The following DET1 variants were observed in gnomAD, a reference collection of about 807,000 sequenced individuals.
The protein encoded by DET1 is DET1 partner of COP1 E3 ubiquitin ligase.
Under a neutral mutation model 43.7 loss-of-function variants are expected in DET1, and 22 were observed. The ratio of observed to expected loss-of-function variants is 0.50; its 90% CI spans 0.36 to 0.72. DET1 has a LOEUF of 0.72. Among genes scored for constraint, DET1 ranks in the 30% least tolerant of loss-of-function variants. The pLI is 0.00. For synonymous variants in DET1, 315 were observed against 266.2 expected (o/e 1.18, Z -1.79); for missense variants, 713 against 713.3 (o/e 1.00, Z 0.00).
At chr15:88,507,407 C>G (rs1320060800) in intron 7 of DET1, among the ~76,000 whole-genome samples, 1 of 152,200 alleles carries the variant, frequency 6.6e-6, no homozygotes, top group Non-Finnish European at 1.5e-5. Context: ...GCTTCAATAT[C>G]TATCCATTTA....
At chr15:88,529,736 C>A (rs1331070178) in intron 2 of DET1, among the ~76,000 whole-genome samples, 1 of 152,170 alleles carries the variant, frequency 6.6e-6, no homozygotes, top group African/African-American at 2.4e-5. Flanking sequence ...TCTAAGGAGA[C>A]AATCTGCAAA....
intron 1 of DET1, among the ~76,000 whole-genome samples, chr15:88,542,273 T>C (rs1598352473): frequency 6.6e-6 from 1 of 152,228 alleles, no homozygotes. Flanking sequence ...GAGGAGGTCA[T>C]TCCCTCCACC....
intron 3 of DET1, among the ~76,000 whole-genome samples, chr15:88,523,075 C>T (rs988113628): frequency 9.2e-5 from 14 of 151,656 alleles, no homozygotes; most frequent in African/African-American, 3.4e-4. Flanking sequence ...GGAGACCAGC[C>T]ATGTTACCCA....
chr15:88,541,913 C>T lies in DET1; in HGVS notation c.-11+4627G>A, dbSNP rs560036120. 2.0e-5 allele frequency among the ~76,000 whole-genome samples: 3 copies of T among 152,316 alleles called. No homozygotes were observed. In the South Asian group the frequency reaches 6.2e-4, roughly 32 times the overall value. On this transcript the variant is annotated intron_variant, in intron 1 of 4. Transcript: ENST00000268148. Reference sequence around the variant, plus strand: ...CCCCTGTGGGCTCACCGCCCAATTGCCTCCCGGCTGTGACCGCGCTGGGAG... The same window carrying T: ...CCCCTGTGGGCTCACCGCCCAATTGTCTCCCGGCTGTGACCGCGCTGGGAG...
Position 88,531,571 on chromosome 15 carries a change from A to C in DET1, c.135T>G (p.Asn45Lys). 1 of 1,614,014 alleles carries C rather than the reference A, an allele frequency of 6.2e-7. No individual in the cohort carries two copies. Among genetic ancestry groups the C allele is most frequent in the Non-Finnish European group, 8.5e-7 (1 of 1,179,894 alleles). Residue 45 changes from asparagine (N) to lysine (K), a missense_variant, in exon 2 of 5, where the codon AAT (asparagine) becomes AAG (lysine). Transcript: ENST00000268148. This position sits in a 1 kb window ranked among gnomAD's most constrained non-coding sequence, Gnocchi z 6.2. ...TGACAACTGTGAAGTTGGGGAAGAC[A>C]TTCTGATGGAACACTCGGACTTGGT... ...HWHQVRVFHQ[N>K]VFPNFTVVNV... is the part of the protein sequence containing the mutation.
At chr15:88,537,942 G>C (rs1306830317) in intron 1 of DET1, among the ~76,000 whole-genome samples, 1 of 152,196 alleles carries the variant, frequency 6.6e-6, no homozygotes, top group Non-Finnish European at 1.5e-5. Flanking sequence ...ACTGCAAGTT[G>C]TATTTACACT....
At chr15:88,532,642 T>C (rs1285070028) in intron 1 of DET1, among the ~76,000 whole-genome samples, 1 of 152,196 alleles carries the variant, frequency 6.6e-6, no homozygotes. Flanking sequence ...AACTCTGGCA[T>C]ATATGGTTAA....
At position 88,513,089 on chromosome 15, in the gene DET1, T is replaced by C; in HGVS notation, c.1515A>G (p.Leu505=). 6.2e-7 allele frequency: 1 copy of C among 1,613,930 alleles called. No homozygotes were observed. Among genetic ancestry groups the C allele is most frequent in the Non-Finnish European group, 8.5e-7 (1 of 1,179,842 alleles). ...GLLKFEIQAG[L]LGRPINHTVR... is the part of the protein sequence containing the mutation. ...CTGTGTGGTTGATGGGGCGGCCCAA[T>C]AACCCCGCCTGGATCTCAAACTTGA... is the stretch of plus-strand genomic sequence containing the variant. The change falls in exon 5 of 5, where the codon TTA becomes TTG. Residue 505 remains leucine, a synonymous_variant. Transcript: ENST00000268148.
Position 88,524,608 on chromosome 15 carries a change from G to C in DET1, c.1271+2991C>G, listed in dbSNP as rs189934159. 2.0e-5 allele frequency among the ~76,000 whole-genome samples: 3 copies of C among 152,376 alleles called. No individual in the cohort carries two copies. In the East Asian group the frequency reaches 5.8e-4, roughly 29 times the overall value. ...GACATGGGAGACTCCATTTTGTTCT[G>C]TACTAAGAAAAATTCTTATCCTGTT... On this transcript the variant is annotated intron_variant, in intron 3 of 4. Coordinates refer to ENST00000268148, the MANE Select transcript of DET1 (RefSeq NM_001144074.3).
chr15:88,537,743 G>A (rs10152901), intron 1 of DET1, among the ~76,000 whole-genome samples: 6 of 152,002 alleles, frequency 3.9e-5, no homozygotes, highest in African/African-American at 1.2e-4. Flanking sequence ...CCTGTCTAAC[G>A]GGAAGTTCTG....
intron 3 of DET1, among the ~76,000 whole-genome samples, chr15:88,523,898 C>T (rs1000186343): frequency 9.9e-5 from 15 of 151,742 alleles, no homozygotes; most frequent in African/African-American, 3.4e-4. Context: ...GCCTGGCCGC[C>T]CATCGTCTGG....
chr15:88,537,620 G>A (rs183644683), intron 1 of DET1, among the ~76,000 whole-genome samples: 2 of 152,308 alleles, frequency 1.3e-5, no homozygotes, highest in East Asian at 3.9e-4. Flanking sequence ...TCTTACTTAT[G>A]TTTATGGCCC....
At chr15:88,507,888 C>T (rs574779111), downstream of DET1, among the ~76,000 whole-genome samples, 11 of 152,318 alleles carry the variant, frequency 7.2e-5, no homozygotes, top group Admixed American at 4.6e-4. Flanking sequence ...GGAACCAGGC[C>T]GCACAGCAGG....
At chr15:88,540,053 C>A (rs749506411) in intron 1 of DET1, among the ~76,000 whole-genome samples, 1 of 152,064 alleles carries the variant, frequency 6.6e-6, no homozygotes, top group Non-Finnish European at 1.5e-5. Context: ...TCCCTTTCCC[C>A]CTCGTCCCTG....
At chr15:88,539,448 TAAAA>T (rs34945813) in intron 1 of DET1, among the ~76,000 whole-genome samples, 10 of 96,476 alleles carry the variant, frequency 1.0e-4, no homozygotes, top group African/African-American at 2.2e-4. Context: ...CTTGTCTGTC[TAAAA>T]AAAAAAAAAA....
intron 1 of DET1, among the ~76,000 whole-genome samples, chr15:88,532,167 G>A (rs11856255): frequency 0.22 from 33,894 of 151,994 alleles, 4,858 homozygotes; most frequent in African/African-American, 0.4. Context: ...GCTAGGCATG[G>A]TGGCACATGA....
chr15:88,515,538 TATA>T lies in DET1; in HGVS notation c.1463+1241_1463+1243del, dbSNP rs1567058312. On this transcript the variant is annotated intron_variant, in intron 4 of 4. Coordinates refer to ENST00000268148, the MANE Select transcript of DET1 (RefSeq NM_001144074.3). Reference sequence around the variant, plus strand: ...TGGGCAACAGACAGAGACTCCGTCTTATAAAAAAAAAAAAAAAAAAAAAAAAAA... The same window carrying T: ...TGGGCAACAGACAGAGACTCCGTCTTAAAAAAAAAAAAAAAAAAAAAAAAA... Among the ~76,000 whole-genome samples, 4 of 47,464 alleles carry T rather than the reference TATA, an allele frequency of 8.4e-5. 1 individual carries two copies. Among genetic ancestry groups the T allele is most frequent in the Non-Finnish European group, 1.4e-4 (4 of 29,192 alleles). The allele number at this position is 47,464 out of a possible 152,430, so 31.1% of individuals were successfully genotyped here. A position where few individuals can be genotyped will look rare whatever the true frequency, so the allele number is the denominator to read the frequency against.
intron 4 of DET1, among the ~76,000 whole-genome samples, chr15:88,515,067 C>A (rs1288135120): frequency 2.6e-5 from 4 of 152,098 alleles, no homozygotes; most frequent in Admixed American, 1.3e-4. Flanking sequence ...GGTTGTTTGA[C>A]CTTCTAAATC....
In DET1 at chr15:88,531,744, G is replaced by A. The variant is rs2142311012; in HGVS notation, c.-10-29C>T. The stretch of plus-strand genomic sequence containing the variant: ...AACAGAAAAGTAAAGCAGAAGTCAA[G>A]AAAGTGAAACAGAATTTACCAAAAT... On this transcript the variant is annotated intron_variant, in intron 1 of 4. Coordinates refer to ENST00000268148, the MANE Select transcript of DET1 (RefSeq NM_001144074.3). The surrounding 1 kb of genome is among the most constrained non-coding windows in gnomAD (Gnocchi z 6.2). 2 of 1,565,480 alleles carry A rather than the reference G, an allele frequency of 1.3e-6. No homozygotes were observed. The highest frequency in any genetic ancestry group is 1.2e-5 in the South Asian group (1 of 85,270).
Sources: gnomAD v4.1 joint callset for allele counts (sites outside exome capture counted in the v4.1 genomes callset) on GRCh38, gnomAD v4.1.1 for gene constraint, Gnocchi (gnomAD v3.1) non-coding constraint, MANE v1.5 for transcripts, NCBI Gene and HGNC (gene_info 2026-07-23, HGNC 2026-07-21) for gene names.